INTS2: variants seen among roughly 807,000 people sequenced by gnomAD.
INTS2 encodes the protein integrator complex subunit 2.
Under a neutral mutation model 139.6 loss-of-function variants are expected in INTS2, and 57 were observed. That is an observed-to-expected ratio of 0.41 (90% CI 0.33 to 0.51). The LOEUF (loss-of-function observed/expected upper bound fraction) is 0.51. Ranked by LOEUF, INTS2 falls within the 20% of genes least tolerant of loss-of-function variation. INTS2 has a pLI of 0.28. For synonymous variants in INTS2, 473 were observed against 493.4 expected (o/e 0.96, Z 0.55); for missense variants, 1,196 against 1,436.7 (o/e 0.83, Z 2.71).
Position 61,926,500 on chromosome 17 carries a change from G to A in INTS2, c.145C>T (p.Pro49Ser). ...PCLVRMALCA[P>S]ADQSQSWAQD... is the part of the protein sequence containing the mutation. ...GCCCAGCTTTGGCTCTGGTCAGCAG[G>A]TGCACAAAGTGCCATCCGTACCAAA... The change falls in exon 2 of 25, where the codon CCT becomes TCT. Residue 49 changes from proline to serine, a missense_variant. This residue lies in a region of INTS2 where 31 missense variants were observed against 64.8 expected (regional missense o/e 0.48). Transcript: ENST00000251334. 6.2e-7 allele frequency: 1 copy of A among 1,613,936 alleles called. No individual in the cohort carries two copies. Among genetic ancestry groups the A allele is most frequent in the Non-Finnish European group, 8.5e-7 (1 of 1,179,854 alleles).
chr17:61,895,763 T>A (rs907394667), intron 11 of INTS2, among the ~76,000 whole-genome samples: 1 of 152,020 alleles, frequency 6.6e-6, no homozygotes, highest in East Asian at 1.9e-4. Flanking sequence ...TATGTACAGA[T>A]AGACACACAT....
At chr17:61,918,249 G>GT (rs2079602980) in intron 5 of INTS2, among the ~76,000 whole-genome samples, 1 of 152,092 alleles carries the variant, frequency 6.6e-6, no homozygotes, top group Non-Finnish European at 1.5e-5. Flanking sequence ...ATTTTGGTTT[G>GT]TTTGTTTGTT....
Position 61,921,751 on chromosome 17 carries a change from G to A in INTS2, c.509C>T (p.Ala170Val), listed in dbSNP as rs2079643581. 1 of 1,601,654 alleles carries A rather than the reference G, an allele frequency of 6.2e-7. No individual in the cohort carries two copies. Among genetic ancestry groups the A allele is most frequent in the Non-Finnish European group, 8.5e-7 (1 of 1,172,972 alleles). ...TGCTTGTAAAATACAAAGTACATCT[G>A]CAGCTTCCTCCAAATATACTGGACT... is the stretch of plus-strand genomic sequence containing the variant. ...FESPVYLEEA[A>V]DVLCILQAEL... The change falls in exon 4 of 25, where the codon GCA (alanine) becomes GTA (valine). Residue 170 changes from alanine (A) to valine (V), a missense_variant. By Grantham distance (64) the Ala-to-Val change is moderately conservative. Around this residue, in one of 3 missense-constraint regions of INTS2, gnomAD observed 1,129 missense variants for 1,341.9 expected, o/e 0.84. Transcript: ENST00000251334.
Position 61,926,362 on chromosome 17 carries a change from G to C in INTS2, c.283C>G (p.Gln95Glu), listed in dbSNP as rs750179402. ...ATAACATAACATTACCTAAGCTGCT[G>C]TTCTTTGCTGGCATCTTGTTCTAAA... is the stretch of plus-strand genomic sequence containing the variant. ...HALEQDASKE[Q>E]QLRHKLGGGS... Residue 95 changes from glutamine (Q) to glutamate (E), a missense_variant, in exon 2 of 25, where the codon CAG (glutamine) becomes GAG (glutamate). Gln to Glu is a conservative substitution (Grantham distance 29). Around this residue, in one of 3 missense-constraint regions of INTS2, gnomAD observed 1,129 missense variants for 1,341.9 expected, o/e 0.84. Transcript: ENST00000251334. 15 of 1,597,892 alleles carry C rather than the reference G, an allele frequency of 9.4e-6. No individual in the cohort carries two copies. In the South Asian group the frequency reaches 1.7e-4, roughly 18 times the overall value.
intron 16 of INTS2, among the ~76,000 whole-genome samples, chr17:61,884,699 G>A (rs1265759229): frequency 6.6e-6 from 1 of 152,044 alleles, no homozygotes; most frequent in Non-Finnish European, 1.5e-5. Flanking sequence ...CATATCAACT[G>A]AAAATAGCTA....
intron 16 of INTS2, among the ~76,000 whole-genome samples, chr17:61,881,478 T>A (rs2079178297): frequency 6.6e-6 from 1 of 152,086 alleles, no homozygotes; most frequent in African/African-American, 2.4e-5. Flanking sequence ...GTGCCTGTAA[T>A]CCCAGCTACT....
chr17:61,880,406 G>C (rs1337795399), intron 17 of INTS2, among the ~76,000 whole-genome samples: 1 of 152,018 alleles, frequency 6.6e-6, no homozygotes, highest in Admixed American at 6.6e-5. Context: ...CCTTTTTAGT[G>C]ATATAATATA....
chr17:61,869,948 G>A lies in INTS2; in HGVS notation c.2819C>T (p.Pro940Leu), dbSNP rs549626612. 8.7e-6 allele frequency: 14 copies of A among 1,613,522 alleles called. No individual in the cohort carries two copies. In the Admixed American group the frequency reaches 1.3e-4, roughly 15 times the overall value. ...ACCATTTGCTTTCTCCTCTTCAGTA[G>A]GTAGGCAAATCTCTAAGAGAATCTG... ...AVQILLEICLPTEEEKANGVN... is the reference protein window; with the variant it reads ...AVQILLEICLLTEEEKANGVN... The change falls in exon 21 of 25, where the codon CCT becomes CTT. Residue 940 changes from proline to leucine, a missense_variant. Physicochemically the swap from Pro to Leu is moderately conservative, Grantham distance 98. This residue lies in a region of INTS2 where 1,129 missense variants were observed against 1,341.9 expected (regional missense o/e 0.84). Coordinates refer to ENST00000251334, the MANE Select transcript of INTS2 (RefSeq NM_001351695.2). This position sits in a 1 kb window ranked among gnomAD's most constrained non-coding sequence, Gnocchi z 5.4.
chr17:61,896,262 AC>A (rs1156285103), intron 11 of INTS2, among the ~76,000 whole-genome samples: 8 of 151,090 alleles, frequency 5.3e-5, no homozygotes, highest in African/African-American at 1.2e-4. Flanking sequence ...CAAAAAAAAA[AC>A]ATTTAATATA....
intron 19 of INTS2, among the ~76,000 whole-genome samples, chr17:61,874,428 C>A (rs1248065765): frequency 6.6e-6 from 1 of 152,122 alleles, no homozygotes; most frequent in Non-Finnish European, 1.5e-5. Context: ...TAACTAAATT[C>A]TACCTTTTGA....
chr17:61,919,468 A>G lies in INTS2; in HGVS notation c.581T>C (p.Leu194Pro). Residue 194 changes from leucine (L) to proline (P), a missense_variant, in exon 5 of 25, where the codon CTA becomes CCA. Leu to Pro is a moderately conservative substitution (Grantham distance 98, BLOSUM62 -3). Around this residue, in one of 3 missense-constraint regions of INTS2, gnomAD observed 1,129 missense variants for 1,341.9 expected, o/e 0.84. Transcript: ENST00000251334. ...GAACCAGGCACCATTTCTAACATGT[A>G]GCAAAGCTTCAGCTACATCAACTAT... ...LPIVDVAEALLHVRNGAWFLC... is the reference protein window; with the variant it reads ...LPIVDVAEALPHVRNGAWFLC... The G allele has an allele frequency of 6.2e-7, 1 of 1,602,514 alleles. No individual in the cohort carries two copies. The highest frequency in any genetic ancestry group is 8.5e-7 in the Non-Finnish European group (1 of 1,173,994).
chr17:61,912,530 G>C (rs1452289931), intron 5 of INTS2, among the ~76,000 whole-genome samples: 1 of 152,094 alleles, frequency 6.6e-6, no homozygotes, highest in Non-Finnish European at 1.5e-5. Context: ...CGCTGAGGCA[G>C]GAGAATCGCT....
In INTS2 at chr17:61,911,966, G is replaced by C. The variant is rs757976352; in HGVS notation, c.754C>G (p.Gln252Glu). Residue 252 changes from glutamine (Q) to glutamate (E), a missense_variant, in exon 6 of 25, where the codon CAG (glutamine) becomes GAG (glutamate). Around this residue, in one of 3 missense-constraint regions of INTS2, gnomAD observed 1,129 missense variants for 1,341.9 expected, o/e 0.84. Coordinates refer to ENST00000251334, the MANE Select transcript of INTS2 (RefSeq NM_001351695.2). ...ACCATGCCTCGGACCTTGAGGGCCTGAGAAGGATTCATTTTACACAAGAAG... is the reference window on the plus strand; with the variant it reads ...ACCATGCCTCGGACCTTGAGGGCCTCAGAAGGATTCATTTTACACAAGAAG... ...LRFLCKMNPS[Q>E]ALKVRGMVVE... 45 of 1,613,702 alleles carry C rather than the reference G, an allele frequency of 2.8e-5. No individual in the cohort carries two copies. Among genetic ancestry groups the C allele is most frequent in the Non-Finnish European group, 3.7e-5 (44 of 1,179,804 alleles).
At chr17:61,912,196 A>G in intron 5 of INTS2, 126 bp from the exon 6 acceptor site, 1 of 919,146 alleles carries the variant, frequency 1.1e-6, no homozygotes, top group South Asian at 1.7e-5. Context: ...AATGAAGCAA[A>G]AAATGAAAAG....
At chr17:61,899,078 T>C (rs2079378447) in intron 9 of INTS2, among the ~76,000 whole-genome samples, 1 of 152,246 alleles carries the variant, frequency 6.6e-6, no homozygotes, top group Admixed American at 6.5e-5. Flanking sequence ...TTCTCAACTA[T>C]ACCTAAACCA....
chr17:61,865,386 G>C lies in INTS2; in HGVS notation c.*2171C>G, dbSNP rs2079035533. 6.6e-6 allele frequency: 1 copy of C among 152,670 alleles called. No homozygotes were observed. The highest frequency in any genetic ancestry group is 1.5e-5 in the Non-Finnish European group (1 of 68,016). The allele number at this position is 152,670 out of a possible 1,614,324, so 9.5% of individuals were successfully genotyped here. The stretch of plus-strand genomic sequence containing the variant: ...TACAGGTTCGTTTGATAAAGAATAT[G>C]AATGTTTATAAACCAATATTCAAAA... On this transcript the variant is annotated 3_prime_UTR_variant, in exon 25 of 25. Transcript: ENST00000251334. This position sits in a 1 kb window ranked among gnomAD's most constrained non-coding sequence, Gnocchi z 4.8.
In INTS2 at chr17:61,873,739, TTGA is replaced by T. The variant is rs984078869; in HGVS notation, c.2582+1171_2582+1173del. ...TCACTTCGAGAATGTCATCCCTTGG[TTGA>T]TGACAGACAAGTTTAAATATCAAGT... is the stretch of plus-strand genomic sequence containing the variant. On this transcript the variant is annotated intron_variant, in intron 19 of 24. Coordinates refer to ENST00000251334, the MANE Select transcript of INTS2 (RefSeq NM_001351695.2). This position sits in a 1 kb window ranked among gnomAD's most constrained non-coding sequence, Gnocchi z 4.0. 6.6e-6 allele frequency among the ~76,000 whole-genome samples: 1 copy of T among 152,198 alleles called. No homozygotes were observed. Among genetic ancestry groups the T allele is most frequent in the African/African-American group, 2.4e-5 (1 of 41,450 alleles).
chr17:61,919,146 AACT>A (rs1424678080), intron 5 of INTS2, among the ~76,000 whole-genome samples: 1 of 151,960 alleles, frequency 6.6e-6, no homozygotes, highest in Non-Finnish European at 1.5e-5. Context: ...GCTGGTCTCA[AACT>A]TCTGACCTTG....
At chr17:61,922,491 GA>G (rs1567921111) in intron 3 of INTS2, among the ~76,000 whole-genome samples, 1 of 60,952 alleles carries the variant, frequency 1.6e-5, no homozygotes, top group Non-Finnish European at 3.7e-5. Flanking sequence ...AAAAGAAAAA[GA>G]AAAAAGAAAA....
Sources: allele counts gnomAD v4.1 joint callset (sites outside exome capture counted in the v4.1 genomes callset), GRCh38; gene constraint gnomAD v4.1.1; regional missense constraint gnomAD v4.1.1; non-coding constraint Gnocchi (gnomAD v3.1); transcripts MANE v1.5; gene names NCBI Gene and HGNC (gene_info 2026-07-23, HGNC 2026-07-21).